Variants in STXBP6 observed in about 807,000 individuals in gnomAD.
STXBP6 encodes the protein syntaxin binding protein 6.
STXBP6 carries 21 observed loss-of-function variants against 26.9 expected under a neutral mutation model. The observed-to-expected ratio is 0.78, with a 90% CI of 0.55 to 1.12. The LOEUF (loss-of-function observed/expected upper bound fraction) is 1.12, where lower values mean the gene tolerates loss of function less well. STXBP6 is among the 50% of genes most tolerant of loss of function. The probability of loss-of-function intolerance (pLI) is 0.00; values close to 1 mark genes in which losing one functional copy is unlikely to be tolerated. For synonymous variants in STXBP6, 97 were observed against 92.6 expected, an observed-to-expected ratio of 1.05 and a Z score of -0.27; for missense variants, 232 against 257.9, an observed-to-expected ratio of 0.90 and a Z score of 0.69.
At chr14:24,933,113 G>A (rs2072476701) in intron 2 of STXBP6, among the ~76,000 whole-genome samples, 1 of 152,216 alleles carries the variant, frequency 6.6e-6, no homozygotes, top group Non-Finnish European at 1.5e-5. Flanking sequence ...GGCCAAGGCG[G>A]ATGGATTGCT....
intron 2 of STXBP6, among the ~76,000 whole-genome samples, chr14:24,900,144 T>A (rs1473060372): frequency 6.6e-6 from 1 of 152,246 alleles, no homozygotes; most frequent in Non-Finnish European, 1.5e-5. Flanking sequence ...TAGATTTTTC[T>A]TTTTTCATTT....
At chr14:25,007,411 T>G (rs559520939) in intron 1 of STXBP6, among the ~76,000 whole-genome samples, 90 of 152,322 alleles carry the variant, frequency 5.9e-4, no homozygotes, top group Middle Eastern at 3.4e-3. Context: ...AGCCACAATA[T>G]GTAAATGACT....
At chr14:24,987,677 T>A (rs997518812) in intron 1 of STXBP6, among the ~76,000 whole-genome samples, 44 of 152,232 alleles carry the variant, frequency 2.9e-4, no homozygotes, top group Non-Finnish European at 5.0e-4. Flanking sequence ...CAATCCCATA[T>A]CATTTCCATT....
chr14:24,909,097 C>T (rs1282182307), intron 2 of STXBP6, among the ~76,000 whole-genome samples: 2 of 152,186 alleles, frequency 1.3e-5, no homozygotes, highest in Non-Finnish European at 2.9e-5. Flanking sequence ...GAGTCACTGA[C>T]GTATTTCTAA....
At chr14:24,899,803 A>AACC (rs2071143552) in intron 2 of STXBP6, among the ~76,000 whole-genome samples, 1 of 80,118 alleles carries the variant, frequency 1.2e-5, no homozygotes, top group Non-Finnish European at 2.2e-5. Flanking sequence ...AAAAAAAGCA[A>AACC]AAAAAAAAAA....
chr14:25,019,077 G>A (rs1595331769), intron 1 of STXBP6, among the ~76,000 whole-genome samples: 2 of 152,196 alleles, frequency 1.3e-5, no homozygotes, highest in Admixed American at 1.3e-4. Flanking sequence ...AAGTATGGGA[G>A]AATAAGAAGC....
At position 24,812,379 on chromosome 14, in the gene STXBP6, T is replaced by C. The variant is rs1003587065; in HGVS notation, c.*330A>G. On this transcript the variant is annotated 3_prime_UTR_variant, in exon 6 of 6. Coordinates refer to ENST00000323944, the MANE Select transcript of STXBP6 (RefSeq NM_001394410.1). ...AGACTCAGCGCAGTTTATCATTTGG[T>C]CCAAATTTCATATTCAAACTACAAA... 3 of 214,826 alleles carry C rather than the reference T, an allele frequency of 1.4e-5. No individual in the cohort carries two copies. Among genetic ancestry groups the C allele is most frequent in the Non-Finnish European group, 2.8e-5 (3 of 107,664 alleles). The allele number at this position is 214,826 out of a possible 1,614,324, so 13.3% of individuals were successfully genotyped here.
chr14:24,875,649 G>A (rs1382320078), intron 2 of STXBP6, among the ~76,000 whole-genome samples: 1 of 152,198 alleles, frequency 6.6e-6, no homozygotes, highest in Non-Finnish European at 1.5e-5. Context: ...CCGAATATGA[G>A]ACATTTATGT....
chr14:25,036,874 A>G (rs1288627840), intron 1 of STXBP6, among the ~76,000 whole-genome samples: 1 of 151,780 alleles, frequency 6.6e-6, no homozygotes, highest in Non-Finnish European at 1.5e-5. Flanking sequence ...AAAAAAAAAA[A>G]AGAAATCAGC....
chr14:24,945,250 C>T (rs1422636980), intron 2 of STXBP6, among the ~76,000 whole-genome samples: 1 of 138,882 alleles, frequency 7.2e-6, no homozygotes, highest in Non-Finnish European at 1.5e-5. Context: ...ATTTTCTGAG[C>T]ATTCACATTG....
intron 4 of STXBP6, among the ~76,000 whole-genome samples, chr14:24,826,113 TACTCTAAC>T (rs2068273682): frequency 6.6e-6 from 1 of 152,210 alleles, no homozygotes; most frequent in African/African-American, 2.4e-5. Context: ...TAGGGACTTT[TACTCTAAC>T]ACTCTAATAA....
At chr14:24,873,168 C>G (rs2070002075) in intron 2 of STXBP6, among the ~76,000 whole-genome samples, 1 of 152,076 alleles carries the variant, frequency 6.6e-6, no homozygotes, top group African/African-American at 2.4e-5. Flanking sequence ...AACGCATAAG[C>G]CTCCCTCAAA....
chr14:24,839,041 T>C (rs1260446108), intron 4 of STXBP6, among the ~76,000 whole-genome samples: 1 of 152,166 alleles, frequency 6.6e-6, no homozygotes, highest in Non-Finnish European at 1.5e-5. Context: ...AAATGAAGGC[T>C]GGAAACATTA....
At chr14:24,826,955 T>G (rs2068303855) in intron 4 of STXBP6, among the ~76,000 whole-genome samples, 1 of 152,214 alleles carries the variant, frequency 6.6e-6, no homozygotes. Context: ...ATCTCAGCAC[T>G]TTGGGAGGCC....
At chr14:24,814,539 C>T (rs2067915103) in intron 5 of STXBP6, among the ~76,000 whole-genome samples, 1 of 152,244 alleles carries the variant, frequency 6.6e-6, no homozygotes, top group Non-Finnish European at 1.5e-5. Context: ...GCTGTTCAAA[C>T]CAGACCCTGG....
chr14:24,812,730 A>G lies in STXBP6; in HGVS notation c.612T>C (p.Leu204=). The G allele has an allele frequency of 6.2e-7, 1 of 1,613,786 alleles. No homozygotes were observed. Among genetic ancestry groups the G allele is most frequent in the Admixed American group, 1.7e-5 (1 of 60,008 alleles). The part of the protein sequence containing the change: ...AQQFAETAHK[L]AMKHKC ...TTTCTCAACATTTGTGCTTCATGGCAAGCTAAGGAGAGAGAGGAATGAGAA... is the reference window on the plus strand; with the variant it reads ...TTTCTCAACATTTGTGCTTCATGGCGAGCTAAGGAGAGAGAGGAATGAGAA... The change falls in exon 6 of 6, where the codon CTT becomes CTC. Residue 204 remains leucine, a splice_region_variant and synonymous_variant. Coordinates refer to ENST00000323944, the MANE Select transcript of STXBP6 (RefSeq NM_001394410.1).
chr14:24,865,438 A>C (rs2069683169), intron 2 of STXBP6, among the ~76,000 whole-genome samples: 1 of 152,194 alleles, frequency 6.6e-6, no homozygotes, highest in African/African-American at 2.4e-5. Context: ...AAGATGGCTA[A>C]AATTCTTAAG....
chr14:24,858,179 G>A (rs535034088), intron 2 of STXBP6, among the ~76,000 whole-genome samples: 1 of 152,072 alleles, frequency 6.6e-6, no homozygotes, highest in African/African-American at 2.4e-5. Context: ...TCAACAGATG[G>A]CAAAAAGAAT....
intron 1 of STXBP6, among the ~76,000 whole-genome samples, chr14:25,048,807 A>C (rs1377931854): frequency 6.6e-6 from 1 of 152,120 alleles, no homozygotes; most frequent in Non-Finnish European, 1.5e-5. Context: ...CCCAAAACTC[A>C]AAACAAGAAG....
Sources: gnomAD v4.1 joint callset for allele counts (sites outside exome capture counted in the v4.1 genomes callset) on GRCh38, gnomAD v4.1.1 for gene constraint, MANE v1.5 for transcripts, NCBI Gene and HGNC (gene_info 2026-07-23, HGNC 2026-07-21) for gene names.